Variants in NCAM1 observed in about 807,000 individuals in gnomAD.
The protein encoded by NCAM1 is neural cell adhesion molecule 1.
Under a neutral mutation model 109.8 loss-of-function variants are expected in NCAM1, and 14 were observed. The ratio of observed to expected loss-of-function variants is 0.13; its 90% CI spans 0.08 to 0.20. NCAM1 has a LOEUF of 0.20. Among genes scored for constraint, NCAM1 ranks in the 10% least tolerant of loss-of-function variants. The pLI is 1.00. For synonymous variants in NCAM1, 418 were observed against 442.9 expected (o/e 0.94, Z 0.70); for missense variants, 774 against 1,109.9 (o/e 0.70, Z 4.30).
chr11:113,263,730 G>A, intron 17 of NCAM1: 1 of 985,496 alleles, frequency 1.0e-6, no homozygotes, highest in Non-Finnish European at 1.2e-6. Context: ...GTGGGGCCGT[G>A]GTTCAGCAGT....
chr11:113,257,893 A>G (rs1271585602), intron 16 of NCAM1, among the ~76,000 whole-genome samples: 3 of 152,252 alleles, frequency 2.0e-5, no homozygotes, highest in African/African-American at 7.2e-5. Flanking sequence ...AGCTTACAGC[A>G]TAGCCAGACT....
chr11:113,245,175 T>G (rs1199790760), intron 14 of NCAM1, among the ~76,000 whole-genome samples: 1 of 151,702 alleles, frequency 6.6e-6, no homozygotes, highest in African/African-American at 2.4e-5. Context: ...CCACAACAGG[T>G]TGGGTGCCGT....
chr11:113,110,759 TA>T (rs1314822579), intron 1 of NCAM1, among the ~76,000 whole-genome samples: 1 of 152,186 alleles, frequency 6.6e-6, no homozygotes, highest in East Asian at 1.9e-4. Flanking sequence ...TTTTGAGATT[TA>T]AAAGTAAGCT....
rs1002656692 is a variant in NCAM1 at position 113,140,719 on chromosome 11, G to A, written c.53-61660G>A. ...GAGTCTTGATTATTTTCTCCAAATG[G>A]TTTTGATTGATTACTTCATTTGTAA... On this transcript the variant is annotated intron_variant, in intron 1 of 19. Transcript: ENST00000316851. Among the ~76,000 whole-genome samples the A allele has an allele frequency of 8.5e-5, 13 of 152,136 alleles. 1 individual carries two copies. Among genetic ancestry groups the A allele is most frequent in the African/African-American group, 3.1e-4 (13 of 41,440 alleles).
intron 1 of NCAM1, among the ~76,000 whole-genome samples, chr11:113,018,231 C>G (rs1555075620): frequency 6.6e-6 from 1 of 151,586 alleles, no homozygotes; most frequent in East Asian, 1.9e-4. Flanking sequence ...TAATCATTTT[C>G]AAGTATACAG....
intron 1 of NCAM1, among the ~76,000 whole-genome samples, chr11:113,182,456 C>T (rs1273425796): frequency 6.6e-6 from 1 of 152,314 alleles, no homozygotes; most frequent in East Asian, 1.9e-4. Context: ...TAGAACGTGC[C>T]TTTTTATGCC....
At chr11:112,995,616 T>TATC (rs1306625465) in intron 1 of NCAM1, among the ~76,000 whole-genome samples, 3 of 152,222 alleles carry the variant, frequency 2.0e-5, no homozygotes, top group Non-Finnish European at 4.4e-5. Context: ...ATGCTATTAT[T>TATC]ATCTATTCTT....
Position 113,277,389 on chromosome 11 carries a change from C to T in NCAM1, c.*2002C>T, listed in dbSNP as rs552782858. The T allele has an allele frequency of 6.0e-5, 24 of 399,140 alleles. No individual in the cohort carries two copies. Among genetic ancestry groups the T allele is most frequent in the African/African-American group, 4.7e-4 (23 of 48,766 alleles). The allele number at this position is 399,140 out of a possible 1,614,324, so 24.7% of individuals were successfully genotyped here. On this transcript the variant is annotated 3_prime_UTR_variant, in exon 20 of 20. Transcript: ENST00000316851. ...ATGGAGGATCCCAGAACACACAGCC[C>T]TGGCCCCTTTGATTCTAGGGCCTGC... is the stretch of plus-strand genomic sequence containing the variant.
chr11:113,214,653 C>T, intron 8 of NCAM1, 142 bp downstream of exon 8: 1 of 873,782 alleles, frequency 1.1e-6, no homozygotes, highest in Non-Finnish European at 1.7e-6. Flanking sequence ...GGCCTCCCTC[C>T]CCAACCCTGC....
chr11:113,099,319 A>T (rs931249995), intron 1 of NCAM1, among the ~76,000 whole-genome samples: 1 of 152,076 alleles, frequency 6.6e-6, no homozygotes, highest in Admixed American at 6.6e-5. Flanking sequence ...TCATGAGGAG[A>T]TGGGAGGGGA....
chr11:113,104,092 T>G (rs1555092042), intron 1 of NCAM1, among the ~76,000 whole-genome samples: 1 of 151,728 alleles, frequency 6.6e-6, no homozygotes, highest in Non-Finnish European at 1.5e-5. Flanking sequence ...CTTTCTAAAC[T>G]TATCCCAGTA....
intron 9 of NCAM1, among the ~76,000 whole-genome samples, chr11:113,222,857 T>C (rs1352688178): frequency 6.6e-6 from 1 of 152,152 alleles, no homozygotes; most frequent in Admixed American, 6.5e-5. Flanking sequence ...GTGTCTTACT[T>C]TGGACGTAAT....
chr11:113,085,001 A>G (rs1939013393), intron 1 of NCAM1, among the ~76,000 whole-genome samples: 1 of 152,180 alleles, frequency 6.6e-6, no homozygotes, highest in African/African-American at 2.4e-5. Flanking sequence ...CTGTACAATA[A>G]CTTGAACCAA....
intron 1 of NCAM1, among the ~76,000 whole-genome samples, chr11:113,067,538 G>A (rs1288677464): frequency 6.6e-6 from 1 of 152,164 alleles, no homozygotes; most frequent in Non-Finnish European, 1.5e-5. Flanking sequence ...TCAATGAATG[G>A]AAAATACTTT....
At chr11:113,072,677 C>T (rs1555085480) in intron 1 of NCAM1, among the ~76,000 whole-genome samples, 4 of 150,868 alleles carry the variant, frequency 2.7e-5, no homozygotes, top group African/African-American at 9.7e-5. Flanking sequence ...TGTTTATTGA[C>T]TCAGTATGCA....
intron 14 of NCAM1, among the ~76,000 whole-genome samples, chr11:113,242,387 A>G (rs1945355926): frequency 6.6e-6 from 1 of 152,194 alleles, no homozygotes; most frequent in Non-Finnish European, 1.5e-5. Flanking sequence ...TGAGAGGGCC[A>G]GGCGGGTGGA....
At chr11:113,095,806 C>T (rs1939569161) in intron 1 of NCAM1, among the ~76,000 whole-genome samples, 2 of 152,192 alleles carry the variant, frequency 1.3e-5, no homozygotes, top group Admixed American at 6.5e-5. Context: ...TCTGGGTTCA[C>T]AGCCTGTGCC....
intron 1 of NCAM1, among the ~76,000 whole-genome samples, chr11:113,089,482 A>G (rs1939242274): frequency 6.6e-6 from 1 of 151,954 alleles, no homozygotes; most frequent in Non-Finnish European, 1.5e-5. Context: ...TCTTTTCTTT[A>G]TCGAGGTCTT....
intron 1 of NCAM1, among the ~76,000 whole-genome samples, chr11:113,153,266 C>T (rs1323747439): frequency 1.3e-5 from 2 of 152,160 alleles, no homozygotes; most frequent in Non-Finnish European, 2.9e-5. Flanking sequence ...TGGTCTCAGA[C>T]TCCTGACCTC....
Sources: allele counts gnomAD v4.1 joint callset (sites outside exome capture counted in the v4.1 genomes callset), GRCh38; gene constraint gnomAD v4.1.1; transcripts MANE v1.5; gene names NCBI Gene and HGNC (gene_info 2026-07-23, HGNC 2026-07-21).